CDH4: variants seen among roughly 807,000 people sequenced by gnomAD.
CDH4 encodes the protein cadherin-4.
In CDH4, 33 loss-of-function variants were observed where a neutral mutation model predicts 86.0. The ratio of observed to expected loss-of-function variants is 0.38; its 90% CI spans 0.29 to 0.51. CDH4 has a LOEUF of 0.51. Ranked by LOEUF, CDH4 falls within the 20% of genes least tolerant of loss-of-function variation. CDH4 has a pLI of 0.86. For synonymous variants in CDH4, 555 were observed against 549.4 expected, an observed-to-expected ratio of 1.01 and a Z score of -0.14; for missense variants, 1,114 against 1,307.4, an observed-to-expected ratio of 0.85 and a Z score of 2.28.
rs1413192339 is a variant in CDH4, at chr20:61,360,089, G to C, written c.169+105152G>C. On this transcript the variant is annotated intron_variant, in intron 2 of 15. Transcript: ENST00000614565. ...CCAGAATCACTAAAATCCAGGGGAGGCTGCCTGTGAGACAGAGTCTGCATG... is the reference window on the plus strand; with the variant it reads ...CCAGAATCACTAAAATCCAGGGGAGCCTGCCTGTGAGACAGAGTCTGCATG... 3.5e-5 allele frequency among the ~76,000 whole-genome samples: 5 copies of C among 143,948 alleles called. No homozygotes were observed. The South Asian group carries it at 1.2e-3, about 34-fold the overall frequency. 94.4% of individuals were successfully genotyped at this position (143,948 alleles called of 152,430 possible). A position where few individuals can be genotyped will look rare whatever the true frequency, so the allele number is the denominator to read the frequency against.
chr20:61,681,892 C>T lies in CDH4; in HGVS notation c.170-61671C>T, dbSNP rs1568752811. Among the ~76,000 whole-genome samples the T allele has an allele frequency of 2.0e-5, 3 of 152,090 alleles. No homozygotes were observed. The highest frequency in any genetic ancestry group is 4.8e-5 in the African/African-American group (2 of 41,366). ...AGCAAGCAGGTTCAGCAGAAAATGA[C>T]GTGATGCCAAGGCCAGGGCTGTGAA... On this transcript the variant is annotated intron_variant, in intron 2 of 15. Transcript: ENST00000614565. The surrounding 1 kb of genome is among the most constrained non-coding windows in gnomAD (Gnocchi z 4.5).
intron 2 of CDH4, among the ~76,000 whole-genome samples, chr20:61,659,036 A>G (rs1198229389): frequency 6.6e-6 from 1 of 152,174 alleles, no homozygotes; most frequent in Non-Finnish European, 1.5e-5. Flanking sequence ...GTGAGAATCA[A>G]CCTCATACTC....
At chr20:61,792,595 A>C (rs1979261292) in intron 4 of CDH4, among the ~76,000 whole-genome samples, 2 of 152,166 alleles carry the variant, frequency 1.3e-5, no homozygotes, top group African/African-American at 2.4e-5. Flanking sequence ...AGTCCACCCC[A>C]AAAAATGTAA....
chr20:61,858,670 G>A (rs576990960), intron 6 of CDH4, among the ~76,000 whole-genome samples: 4 of 152,336 alleles, frequency 2.6e-5, no homozygotes, highest in South Asian at 2.1e-4. Context: ...AATCACAGCC[G>A]TGTGTTCCCT....
intron 2 of CDH4, among the ~76,000 whole-genome samples, chr20:61,512,255 A>C (rs2085785617): frequency 6.6e-6 from 1 of 152,064 alleles, no homozygotes; most frequent in Middle Eastern, 3.2e-3. Context: ...ATCATCTCTC[A>C]AGGGTTAACC....
At chr20:61,884,408 G>A (rs1337554824) in intron 7 of CDH4, among the ~76,000 whole-genome samples, 2 of 152,260 alleles carry the variant, frequency 1.3e-5, no homozygotes, top group East Asian at 3.8e-4. Flanking sequence ...GGCAAAGTCT[G>A]CGGAGCCAGA....
At chr20:61,260,413 G>C (rs564918110) in intron 2 of CDH4, among the ~76,000 whole-genome samples, 2 of 152,364 alleles carry the variant, frequency 1.3e-5, no homozygotes, top group East Asian at 3.9e-4. Flanking sequence ...CCCCACCAGA[G>C]AATGTAAACT....
At chr20:61,803,127 G>A (rs923350138) in intron 4 of CDH4, among the ~76,000 whole-genome samples, 1 of 152,202 alleles carries the variant, frequency 6.6e-6, no homozygotes, top group African/African-American at 2.4e-5. Flanking sequence ...GCGGCGAGTC[G>A]CAGCTCCGTC....
intron 11 of CDH4, among the ~76,000 whole-genome samples, chr20:61,926,292 C>T (rs376369228): frequency 6.8e-4 from 104 of 152,316 alleles, no homozygotes; most frequent in African/African-American, 2.0e-3. Flanking sequence ...GGCCCTGAGG[C>T]GGGGCTGTGT....
intron 2 of CDH4, among the ~76,000 whole-genome samples, chr20:61,474,178 T>G (rs1248109157): frequency 1.5e-5 from 1 of 64,520 alleles, no homozygotes; most frequent in Non-Finnish European, 3.0e-5. Flanking sequence ...TTTTTTTTTT[T>G]GAGATGGAGT....
intron 6 of CDH4, among the ~76,000 whole-genome samples, chr20:61,855,660 C>T (rs1031044563): frequency 1.3e-5 from 2 of 152,236 alleles, no homozygotes; most frequent in Non-Finnish European, 2.9e-5. Flanking sequence ...CCCAAAAGCG[C>T]AATTGGCTTT....
At chr20:61,593,007 G>A (rs1403099214) in intron 2 of CDH4, among the ~76,000 whole-genome samples, 1 of 152,098 alleles carries the variant, frequency 6.6e-6, no homozygotes, top group Non-Finnish European at 1.5e-5. Context: ...ATAGGAGGGG[G>A]GCAGGAGGGT....
intron 2 of CDH4, among the ~76,000 whole-genome samples, chr20:61,282,947 C>T (rs111220217): frequency 0.42 from 8,906 of 21,136 alleles, 1,267 homozygotes; most frequent in South Asian, 0.49. Flanking sequence ...TGTGCTGTGG[C>T]GTGTGATGTA....
intron 8 of CDH4, among the ~76,000 whole-genome samples, chr20:61,907,004 TG>T (rs1423894424): frequency 6.6e-6 from 1 of 152,038 alleles, no homozygotes; most frequent in Non-Finnish European, 1.5e-5. Flanking sequence ...TCACTGACGA[TG>T]GGGCAGGCCA....
chr20:61,327,182 A>C (rs2084541437), intron 2 of CDH4, among the ~76,000 whole-genome samples: 1 of 152,252 alleles, frequency 6.6e-6, no homozygotes, highest in Non-Finnish European at 1.5e-5. Flanking sequence ...GTATCCACCC[A>C]GAAGCCATAA....
intron 2 of CDH4, among the ~76,000 whole-genome samples, chr20:61,445,361 C>T (rs1185569496): frequency 6.6e-6 from 1 of 152,198 alleles, no homozygotes; most frequent in Non-Finnish European, 1.5e-5. Context: ...TTGGCCAAGC[C>T]GAAGGCATGA....
At chr20:61,386,638 C>G (rs1166098260) in intron 2 of CDH4, among the ~76,000 whole-genome samples, 1 of 152,210 alleles carries the variant, frequency 6.6e-6, no homozygotes. Flanking sequence ...CACATGGATT[C>G]TTTTATCTCT....
chr20:61,818,872 A>C (rs1297203761), intron 4 of CDH4, among the ~76,000 whole-genome samples: 1 of 151,948 alleles, frequency 6.6e-6, no homozygotes, highest in Non-Finnish European at 1.5e-5. Context: ...TCCAAGCAGA[A>C]GGTGACGCAT....
intron 9 of CDH4, among the ~76,000 whole-genome samples, chr20:61,920,232 TTGCA>T: frequency 1.4e-5 from 2 of 145,984 alleles, no homozygotes; most frequent in Non-Finnish European, 3.0e-5. Context: ...GTCACGGTGA[TTGCA>T]TGGAAGCGTG....
Sources: allele counts gnomAD v4.1 joint callset (sites outside exome capture counted in the v4.1 genomes callset), GRCh38; gene constraint gnomAD v4.1.1; non-coding constraint Gnocchi (gnomAD v3.1); transcripts MANE v1.5; gene names NCBI Gene and HGNC (gene_info 2026-07-23, HGNC 2026-07-21).